Variants in MAP3K9 observed in about 807,000 individuals in gnomAD.
MAP3K9 encodes mitogen-activated protein kinase kinase kinase 9, also known as mixed lineage kinase 1 (tyr and ser/thr specificity).
Under a neutral mutation model 95.8 loss-of-function variants are expected in MAP3K9, and 46 were observed. The observed-to-expected ratio is 0.48, with a 90% CI of 0.38 to 0.61. MAP3K9 has a LOEUF of 0.61. Among genes scored for constraint, MAP3K9 ranks in the 20% least tolerant of loss-of-function variants. MAP3K9 has a pLI of 0.00. For synonymous variants in MAP3K9, 533 were observed against 593.8 expected, an observed-to-expected ratio of 0.90 and a Z score of 1.49; for missense variants, 1,296 against 1,474.3, an observed-to-expected ratio of 0.88 and a Z score of 1.98.
chr14:70,782,017 T>C (rs1282276205), intron 2 of MAP3K9, among the ~76,000 whole-genome samples: 1 of 152,202 alleles, frequency 6.6e-6, no homozygotes, highest in Non-Finnish European at 1.5e-5. Flanking sequence ...TGGGAGGTCA[T>C]AGCTATGGCC....
At position 70,730,289 on chromosome 14, in the gene MAP3K9, T is replaced by C. The variant is rs900480049; in HGVS notation, c.*91A>G. On this transcript the variant is annotated 3_prime_UTR_variant, in exon 12 of 12. Transcript: ENST00000554752. Reference sequence around the variant, plus strand: ...TCAGTGCAAGAAGTAGGGCTGGATCTCAGGGGGTCCAACCCTGAGAAAGGG... The same window carrying C: ...TCAGTGCAAGAAGTAGGGCTGGATCCCAGGGGGTCCAACCCTGAGAAAGGG... 5 of 1,507,114 alleles carry C rather than the reference T, an allele frequency of 3.3e-6. No homozygotes were observed. Among genetic ancestry groups the C allele is most frequent in the Non-Finnish European group, 4.5e-6 (5 of 1,122,290 alleles). 93.4% of individuals were successfully genotyped at this position (1,507,114 alleles called of 1,614,324 possible).
chr14:70,760,037 T>C (rs1403981372), intron 3 of MAP3K9, among the ~76,000 whole-genome samples: 2 of 140,744 alleles, frequency 1.4e-5, no homozygotes, highest in African/African-American at 5.5e-5. Context: ...ATTACAGGCA[T>C]GAGCCACTGT....
At chr14:70,779,778 T>C (rs2054649323) in intron 2 of MAP3K9, among the ~76,000 whole-genome samples, 1 of 152,246 alleles carries the variant, frequency 6.6e-6, no homozygotes, top group Non-Finnish European at 1.5e-5. Flanking sequence ...TCTGGCATGC[T>C]GAGAACAGCC....
At chr14:70,749,750 C>T in intron 4 of MAP3K9, 183 bp downstream of exon 4, 1 of 624,338 alleles carries the variant, frequency 1.6e-6, no homozygotes, top group East Asian at 2.8e-5. Context: ...GATATGACTG[C>T]TTGCAGCAGG....
intron 2 of MAP3K9, chr14:70,783,501 T>C (rs985531474): frequency 1.3e-6 from 1 of 756,636 alleles, no homozygotes; most frequent in Non-Finnish European, 1.6e-6. Context: ...CACAAAGCTC[T>C]AAAGTTCCAG....
intron 2 of MAP3K9, among the ~76,000 whole-genome samples, chr14:70,779,595 C>T (rs2054646894): frequency 6.6e-6 from 1 of 152,170 alleles, no homozygotes; most frequent in Admixed American, 6.5e-5. Context: ...GTTTAGTGGT[C>T]CCACTCCTCC....
At position 70,729,182 on chromosome 14, in the gene MAP3K9, G is replaced by C. The variant is rs149727271; in HGVS notation, c.*1198C>G. 4.6e-5 allele frequency: 7 copies of C among 152,266 alleles called. No individual in the cohort carries two copies. The highest frequency in any genetic ancestry group is 7.3e-5 in the Non-Finnish European group (5 of 68,068). The allele number at this position is 152,266 out of a possible 1,614,324, so 9.4% of individuals were successfully genotyped here. On this transcript the variant is annotated 3_prime_UTR_variant, in exon 12 of 12. Coordinates refer to ENST00000554752, the MANE Select transcript of MAP3K9 (RefSeq NM_001284230.2). ...TTATTGTACATCAGCGGCTCCCTGGGCACCCTATAAATAGCACTTTGCCAC... is the reference window on the plus strand; with the variant it reads ...TTATTGTACATCAGCGGCTCCCTGGCCACCCTATAAATAGCACTTTGCCAC...
chr14:70,799,057 G>A (rs1448498493), intron 2 of MAP3K9, among the ~76,000 whole-genome samples: 1 of 152,154 alleles, frequency 6.6e-6, no homozygotes, highest in African/African-American at 2.4e-5. Context: ...TAAAAATGTC[G>A]GGAAGGATAT....
At chr14:70,767,459 T>C (rs1191476169) in intron 2 of MAP3K9, among the ~76,000 whole-genome samples, 1 of 151,614 alleles carries the variant, frequency 6.6e-6, no homozygotes, top group African/African-American at 2.4e-5. Flanking sequence ...TCTGTGCATC[T>C]TCTCAAACTA....
In MAP3K9 at chr14:70,733,323, G is replaced by T; in HGVS notation, c.2046C>A (p.Gly682=). 7.0e-7 allele frequency: 1 copy of T among 1,430,724 alleles called. No individual in the cohort carries two copies. The highest frequency in any genetic ancestry group is 9.7e-7 in the Non-Finnish European group (1 of 1,030,058). 88.6% of individuals were successfully genotyped at this position (1,430,724 alleles called of 1,614,324 possible). The change falls in exon 11 of 12, where the codon GGC becomes GGA. Residue 682 remains glycine (G), a synonymous_variant. Coordinates refer to ENST00000554752, the MANE Select transcript of MAP3K9 (RefSeq NM_001284230.2). ...GTAGGCGACTCTCTCCACTCCCTGG[G>T]CCTTCACTGTCCTCATCCTCTGTGA... ...LMEMEDEDSE[G]PGSGESRLQH...
chr14:70,747,996 T>C (rs1018314501), intron 5 of MAP3K9, among the ~76,000 whole-genome samples: 12 of 132,694 alleles, frequency 9.0e-5, no homozygotes, highest in Non-Finnish European at 7.9e-5. Flanking sequence ...TAGTCCCAGC[T>C]ACTCGGGAGG....
chr14:70,738,170 G>A, intron 8 of MAP3K9, 75 bp downstream of exon 8: 2 of 1,430,352 alleles, frequency 1.4e-6, no homozygotes, highest in Non-Finnish European at 1.9e-6. Context: ...GAGAAAAAAA[G>A]TTATTTCATA....
intron 8 of MAP3K9, 130 bp from the exon 9 acceptor site, chr14:70,736,159 G>A (rs1409410890): frequency 5.6e-6 from 4 of 708,474 alleles, no homozygotes; most frequent in African/African-American, 3.5e-5. Context: ...CAGACACAAA[G>A]CCCACACCAT....
At chr14:70,739,998 C>T in intron 7 of MAP3K9, 44 bp downstream of exon 7, 1 of 1,614,144 alleles carries the variant, frequency 6.2e-7, no homozygotes. Flanking sequence ...GGGACAGGTG[C>T]CCCTGTGTGT....
Position 70,761,026 on chromosome 14 carries a change from A to G in MAP3K9, c.977T>C (p.Phe326Ser), listed in dbSNP as rs2054366788. ...CCTCCACACATCACTGCCTTTGGAA[A>G]ACATGGAGGCCCGGATGACTTCGGG... is the stretch of plus-strand genomic sequence containing the variant. ...MAPEVIRASMFSKGSDVWSYG... is the reference protein window; with the variant it reads ...MAPEVIRASMSSKGSDVWSYG... Residue 326 changes from phenylalanine (F) to serine (S), a missense_variant, in exon 3 of 12, where the codon TTT becomes TCT. Around this residue, in one of 5 missense-constraint regions of MAP3K9, gnomAD observed 136 missense variants for 221.5 expected, o/e 0.61. Transcript: ENST00000554752. The G allele has an allele frequency of 6.2e-7, 1 of 1,613,614 alleles. No individual in the cohort carries two copies. The highest frequency in any genetic ancestry group is 1.7e-5 in the Admixed American group (1 of 59,940).
At chr14:70,771,588 C>A (rs2054532308) in intron 2 of MAP3K9, among the ~76,000 whole-genome samples, 1 of 152,036 alleles carries the variant, frequency 6.6e-6, no homozygotes, top group Non-Finnish European at 1.5e-5. Context: ...CTCGCTCCAC[C>A]ACTGTGTGAC....
chr14:70,807,220 G>A lies in MAP3K9; in HGVS notation c.406+1546C>T, dbSNP rs541188897. ...AAACATCTAAAGATAGGCCAGACAC[G>A]GTGGCTCACGCCTGTAATCCAACAC... On this transcript the variant is annotated intron_variant, in intron 1 of 11. Transcript: ENST00000554752. 9.8e-5 allele frequency among the ~76,000 whole-genome samples: 15 copies of A among 152,344 alleles called. No homozygotes were observed. The East Asian group carries it at 2.7e-3, about 27-fold the overall frequency.
intron 3 of MAP3K9, among the ~76,000 whole-genome samples, chr14:70,753,571 G>A (rs2054259106): frequency 6.6e-6 from 1 of 152,104 alleles, no homozygotes; most frequent in Admixed American, 6.5e-5. Flanking sequence ...CAACTTAGTT[G>A]CCCTCCCAAG....
chr14:70,746,435 A>C (rs796401678), intron 5 of MAP3K9, among the ~76,000 whole-genome samples: 5 of 152,336 alleles, frequency 3.3e-5, no homozygotes, highest in African/African-American at 1.2e-4. Flanking sequence ...CACATCTTCC[A>C]CATACAGAAT....
Sources: allele counts gnomAD v4.1 joint callset (sites outside exome capture counted in the v4.1 genomes callset), GRCh38; gene constraint gnomAD v4.1.1; regional missense constraint gnomAD v4.1.1; transcripts MANE v1.5; gene names NCBI Gene and HGNC (gene_info 2026-07-23, HGNC 2026-07-21).